The following CACNG7 variants were observed in gnomAD, a reference collection of about 807,000 sequenced individuals.
The protein encoded by CACNG7 is voltage-dependent calcium channel gamma-7 subunit.
Under a neutral mutation model 26.3 loss-of-function variants are expected in CACNG7, and 9 were observed. The ratio of observed to expected loss-of-function variants is 0.34; its 90% CI spans 0.21 to 0.60. The LOEUF is 0.60. Among genes scored for constraint, CACNG7 ranks in the 20% least tolerant of loss-of-function variants. CACNG7 has a pLI of 0.81. For missense variants in CACNG7, 297 were observed against 380.4 expected (o/e 0.78, Z 1.82); for synonymous variants, 170 against 157.0 (o/e 1.08, Z -0.62).
chr19:53,938,539 C>T (rs755690034), intron 4 of CACNG7, among the ~76,000 whole-genome samples: 8 of 152,142 alleles, frequency 5.3e-5, no homozygotes, highest in Non-Finnish European at 1.0e-4. Context: ...TGTAACTGCT[C>T]AGCCTTGTGG....
chr19:53,929,137 A>AG (rs889113390), intron 4 of CACNG7, among the ~76,000 whole-genome samples: 1 of 148,468 alleles, frequency 6.7e-6, no homozygotes, highest in African/African-American at 2.5e-5. Flanking sequence ...AAAAAAAAAA[A>AG]AGAGAGAATA....
intron 4 of CACNG7, among the ~76,000 whole-genome samples, chr19:53,923,763 G>T (rs2068990959): frequency 7.9e-6 from 1 of 125,832 alleles, no homozygotes; most frequent in Non-Finnish European, 1.6e-5. Flanking sequence ...TGGTGGAGTT[G>T]CCCCAGGTCT....
intron 1 of CACNG7, among the ~76,000 whole-genome samples, chr19:53,910,722 G>C (rs1344946016): frequency 2.0e-5 from 3 of 152,104 alleles, no homozygotes; most frequent in African/African-American, 7.2e-5. Flanking sequence ...TTGAGATCTG[G>C]GTTGAGGAGC....
chr19:53,930,561 G>A (rs1408022673), intron 4 of CACNG7, among the ~76,000 whole-genome samples: 3 of 152,150 alleles, frequency 2.0e-5, no homozygotes, highest in African/African-American at 7.2e-5. Flanking sequence ...TTTTAGTAGA[G>A]ACGGGGTTTC....
intron 4 of CACNG7, among the ~76,000 whole-genome samples, chr19:53,917,964 T>C (rs946548921): frequency 6.6e-6 from 1 of 152,214 alleles, no homozygotes; most frequent in Non-Finnish European, 1.5e-5. Flanking sequence ...GCAGGCAGGC[T>C]GGAAGTCACG....
At chr19:53,928,261 G>GTATTTATT (rs111971167) in intron 4 of CACNG7, among the ~76,000 whole-genome samples, 2 of 150,742 alleles carry the variant, frequency 1.3e-5, no homozygotes, top group Admixed American at 6.6e-5. Context: ...ATGGAGATTG[G>GTATTTATT]TATTTATTTA....
chr19:53,930,612 A>G (rs1314706582), intron 4 of CACNG7, among the ~76,000 whole-genome samples: 2 of 151,990 alleles, frequency 1.3e-5, no homozygotes, highest in Non-Finnish European at 2.9e-5. Flanking sequence ...TGACCTCATG[A>G]TCTGCCCACC....
At chr19:53,926,297 C>T (rs1249414305) in intron 4 of CACNG7, among the ~76,000 whole-genome samples, 4 of 152,094 alleles carry the variant, frequency 2.6e-5, no homozygotes, top group African/African-American at 9.7e-5. Context: ...CACTAGCACT[C>T]TCCGCATTGC....
At chr19:53,915,340 C>T (rs770360020) in intron 3 of CACNG7, 25 bp from the exon 4 acceptor site, 5 of 1,580,656 alleles carry the variant, frequency 3.2e-6, no homozygotes, top group Admixed American at 3.3e-5. Flanking sequence ...CCCCTCACCC[C>T]TGTCTCTCCC....
At chr19:53,924,761 C>T (rs968471485) in intron 4 of CACNG7, among the ~76,000 whole-genome samples, 5 of 144,766 alleles carry the variant, frequency 3.5e-5, no homozygotes, top group African/African-American at 1.3e-4. Context: ...GGTGGACTTG[C>T]CTAGGGCTGG....
chr19:53,927,352 T>A (rs1234709392), intron 4 of CACNG7, among the ~76,000 whole-genome samples: 1 of 152,104 alleles, frequency 6.6e-6, no homozygotes, highest in Non-Finnish European at 1.5e-5. Flanking sequence ...TTGCATATTC[T>A]AAGAAAAGGG....
At chr19:53,937,899 G>T (rs1341758561) in intron 4 of CACNG7, among the ~76,000 whole-genome samples, 1 of 152,006 alleles carries the variant, frequency 6.6e-6, no homozygotes, top group African/African-American at 2.4e-5. Context: ...CCCATAGAAG[G>T]TCTTTCTAAA....
In CACNG7 at chr19:53,939,604, A is replaced by G. The variant is rs746664861; in HGVS notation, c.425-1866A>G. ...CATCCCTATGGTAGCATGAATCAGTATATCGTTCCCTTTTTTGGCTGAATA... is the reference window on the plus strand; with the variant it reads ...CATCCCTATGGTAGCATGAATCAGTGTATCGTTCCCTTTTTTGGCTGAATA... On this transcript the variant is annotated intron_variant, in intron 4 of 5. Coordinates refer to ENST00000391767, the MANE Select transcript of CACNG7 (RefSeq NM_031896.5). This position sits in a 1 kb window ranked among gnomAD's most constrained non-coding sequence, Gnocchi z 4.2. Among the ~76,000 whole-genome samples the G allele has an allele frequency of 2.0e-5, 3 of 152,250 alleles. No homozygotes were observed. Among genetic ancestry groups the G allele is most frequent in the Non-Finnish European group, 2.9e-5 (2 of 68,040 alleles).
intron 4 of CACNG7, 141 bp downstream of exon 4, chr19:53,915,646 G>A: frequency 2.1e-6 from 2 of 966,294 alleles, no homozygotes; most frequent in Non-Finnish European, 3.1e-6. Context: ...CCTTCTATGT[G>A]CAATGGAAAT....
At chr19:53,935,806 AATTTTTGT>A (rs1402119400) in intron 4 of CACNG7, among the ~76,000 whole-genome samples, 1 of 151,442 alleles carries the variant, frequency 6.6e-6, no homozygotes, top group African/African-American at 2.4e-5. Flanking sequence ...ATGCCCAGCT[AATTTTTGT>A]ATTTTTAGTA....
At chr19:53,920,912 T>TCCCCAGGTCTGGTCATTGGTGGACTTG (rs2068942143) in intron 4 of CACNG7, among the ~76,000 whole-genome samples, 1 of 93,392 alleles carries the variant, frequency 1.1e-5, no homozygotes, top group Non-Finnish European at 2.1e-5. Context: ...GGTGGAGTTG[T>TCCCCAGGTCTGGTCATTGGTGGACTTG]CCCCAGGTCT....
intron 4 of CACNG7, among the ~76,000 whole-genome samples, chr19:53,929,137 A>AAAAAG (rs2069054629): frequency 6.7e-6 from 1 of 148,468 alleles, no homozygotes; most frequent in African/African-American, 2.5e-5. Flanking sequence ...AAAAAAAAAA[A>AAAAAG]AGAGAGAATA....
chr19:53,920,439 C>T (rs1428800673), intron 4 of CACNG7, among the ~76,000 whole-genome samples: 1 of 73,836 alleles, frequency 1.4e-5, no homozygotes, highest in African/African-American at 9.7e-5. Flanking sequence ...TTGCCCCAGG[C>T]CGGTCATTGG....
At position 53,912,950 on chromosome 19, in the gene CACNG7, C is replaced by T. The variant is rs1220508426; in HGVS notation, c.119C>T (p.Thr40Ile). 1 of 1,614,112 alleles carries T rather than the reference C, an allele frequency of 6.2e-7. No homozygotes were observed. Among genetic ancestry groups the T allele is most frequent in the Non-Finnish European group, 8.5e-7 (1 of 1,180,032 alleles). The change falls in exon 2 of 6, where the codon ACA (threonine) becomes ATA (isoleucine). Residue 40 changes from threonine (T) to isoleucine (I), a missense_variant. Coordinates refer to ENST00000391767, the MANE Select transcript of CACNG7 (RefSeq NM_031896.5). The surrounding 1 kb of genome is among the most constrained non-coding windows in gnomAD (Gnocchi z 4.6). ...TDYWLYMEEG[T>I]VLPQNQTTEV... ...TACTGGCTGTACATGGAAGAAGGCACAGTGCTACCGCAGAACCAGACCACC... is the reference window on the plus strand; with the variant it reads ...TACTGGCTGTACATGGAAGAAGGCATAGTGCTACCGCAGAACCAGACCACC...
Sources: gnomAD v4.1 joint callset for allele counts (sites outside exome capture counted in the v4.1 genomes callset) on GRCh38, gnomAD v4.1.1 for gene constraint, Gnocchi (gnomAD v3.1) non-coding constraint, MANE v1.5 for transcripts, NCBI Gene and HGNC (gene_info 2026-07-23, HGNC 2026-07-21) for gene names.